SMOC1: variants seen among roughly 807,000 people sequenced by gnomAD.
SMOC1 encodes SPARC related modular calcium binding 1.
Under a neutral mutation model 56.3 loss-of-function variants are expected in SMOC1, and 22 were observed. The ratio of observed to expected loss-of-function variants is 0.39; its 90% confidence interval spans 0.28 to 0.56. The LOEUF (loss-of-function observed/expected upper bound fraction) is 0.56. Among genes scored for constraint, SMOC1 ranks in the 20% least tolerant of loss-of-function variants. The pLI, the probability that SMOC1 is intolerant of heterozygous loss-of-function variation, is 0.61. For missense variants in SMOC1, 509 were observed against 565.4 expected, an observed-to-expected ratio of 0.90 and a Z score of 1.01; for synonymous variants, 193 against 215.0, an observed-to-expected ratio of 0.90 and a Z score of 0.89.
chr14:69,969,672 A>G (rs1883692036), intron 3 of SMOC1, among the ~76,000 whole-genome samples: 1 of 152,238 alleles, frequency 6.6e-6, no homozygotes, highest in African/African-American at 2.4e-5. Context: ...AAACTGTATC[A>G]GTCCCCTAGT....
intron 1 of SMOC1, among the ~76,000 whole-genome samples, chr14:69,934,821 G>A (rs958819217): frequency 1.3e-5 from 2 of 152,192 alleles, no homozygotes; most frequent in Non-Finnish European, 2.9e-5. Context: ...TGGAGCCATA[G>A]GTCTGGGTTT....
chr14:69,928,360 C>T (rs116887075), intron 1 of SMOC1, among the ~76,000 whole-genome samples: 10 of 152,270 alleles, frequency 6.6e-5, no homozygotes, highest in Non-Finnish European at 1.2e-4. Context: ...TGGCAAATTG[C>T]GACTTTTTCA....
In SMOC1 at chr14:69,924,744, AGTAGGGGAGGTAAGGGAGGTAGGGGAG is replaced by A. The variant is rs775416206; in HGVS notation, c.100-27357_100-27331del. Reference sequence around the variant, plus strand: ...GTAGGGGAGGAGGAGAGGTAGGGGAAGTAGGGGAGGTAAGGGAGGTAGGGGAGGTAGGGGAGGTAAGGGAGGTAGGGG... The same window carrying A: ...GTAGGGGAGGAGGAGAGGTAGGGGAAGTAGGGGAGGTAAGGGAGGTAGGGG... On this transcript the variant is annotated intron_variant, in intron 1 of 11. Coordinates refer to ENST00000361956, the MANE Select transcript of SMOC1 (RefSeq NM_001034852.3). Among the ~76,000 whole-genome samples, 23 of 31,892 alleles carry A rather than the reference AGTAGGGGAGGTAAGGGAGGTAGGGGAG, an allele frequency of 7.2e-4. 5 individuals are homozygous for A. The highest frequency in any genetic ancestry group is 1.4e-3 in the African/African-American group (8 of 5,878). The allele number at this position is 31,892 out of a possible 152,430, so 20.9% of individuals were successfully genotyped here. A position where few individuals can be genotyped will look rare whatever the true frequency, so the allele number is the denominator to read the frequency against.
intron 5 of SMOC1, among the ~76,000 whole-genome samples, chr14:69,985,008 T>C (rs965333675): frequency 6.6e-6 from 1 of 151,262 alleles, no homozygotes; most frequent in Admixed American, 6.6e-5. Flanking sequence ...CACTCCAGCC[T>C]TGGTGATGGA....
intron 7 of SMOC1, among the ~76,000 whole-genome samples, chr14:70,009,734 C>T (rs148808173): frequency 0.012 from 1,879 of 152,246 alleles, 39 homozygotes; most frequent in African/African-American, 0.04. Context: ...GATGTGTGCA[C>T]GTGTATTTCC....
chr14:69,909,517 A>T (rs1039772642), intron 1 of SMOC1, among the ~76,000 whole-genome samples: 7 of 152,188 alleles, frequency 4.6e-5, no homozygotes, highest in African/African-American at 1.7e-4. Flanking sequence ...CATGGCCAGG[A>T]AACAGCTTTA....
intron 1 of SMOC1, among the ~76,000 whole-genome samples, chr14:69,883,045 C>T (rs1883687334): frequency 6.6e-6 from 1 of 152,024 alleles, no homozygotes; most frequent in Non-Finnish European, 1.5e-5. Flanking sequence ...TTATTGTGCA[C>T]AATATGATGT....
intron 1 of SMOC1, among the ~76,000 whole-genome samples, chr14:69,926,328 T>C (rs1276114): frequency 0.26 from 40,240 of 152,058 alleles, 5,817 homozygotes; most frequent in East Asian, 0.54. Flanking sequence ...ACCAGCTGGA[T>C]TGGATTTTTG....
At chr14:69,907,447 T>G (rs1470216721) in intron 1 of SMOC1, among the ~76,000 whole-genome samples, 1 of 152,188 alleles carries the variant, frequency 6.6e-6, no homozygotes, top group Non-Finnish European at 1.5e-5. Flanking sequence ...CCTTTCTGAG[T>G]CTTCTACCCA....
At chr14:70,009,892 A>T (rs1241215957) in intron 7 of SMOC1, among the ~76,000 whole-genome samples, 1 of 151,624 alleles carries the variant, frequency 6.6e-6, no homozygotes, top group Non-Finnish European at 1.5e-5. Flanking sequence ...ACAAAACCAG[A>T]AAAAAAAAGA....
At chr14:69,943,556 T>C (rs568100997) in intron 1 of SMOC1, among the ~76,000 whole-genome samples, 5 of 152,294 alleles carry the variant, frequency 3.3e-5, no homozygotes, top group African/African-American at 1.2e-4. Context: ...TTGCAGATGG[T>C]GAAGGACGTG....
intron 2 of SMOC1, 127 bp downstream of exon 2, chr14:69,952,430 C>T (rs1165297899): frequency 1.8e-6 from 2 of 1,113,730 alleles, no homozygotes; most frequent in Non-Finnish European, 2.6e-6. Context: ...ATCTCTCCAC[C>T]CCTTCCACCA....
chr14:70,007,444 A>G (rs1355370158), intron 7 of SMOC1, among the ~76,000 whole-genome samples: 1 of 152,240 alleles, frequency 6.6e-6, no homozygotes, highest in African/African-American at 2.4e-5. Context: ...ATCCAGGTAC[A>G]AGATTTGTAG....
At chr14:69,912,498 C>G (rs61980627) in intron 1 of SMOC1, among the ~76,000 whole-genome samples, 13,806 of 152,260 alleles carry the variant, frequency 0.091, 653 homozygotes, top group African/African-American at 0.11. Flanking sequence ...GCAGTCCTCC[C>G]GTGTTCAGCC....
At chr14:69,970,903 T>C (rs1260456518) in intron 3 of SMOC1, among the ~76,000 whole-genome samples, 1 of 152,240 alleles carries the variant, frequency 6.6e-6, no homozygotes, top group African/African-American at 2.4e-5. Context: ...GCCTGAAATA[T>C]ACCACTAGGC....
chr14:69,922,610 G>T (rs747829844), intron 1 of SMOC1, among the ~76,000 whole-genome samples: 1 of 152,186 alleles, frequency 6.6e-6, no homozygotes, highest in African/African-American at 2.4e-5. Context: ...TAGACATGCA[G>T]CACCCTGGGC....
intron 5 of SMOC1, among the ~76,000 whole-genome samples, chr14:69,983,391 A>G (rs919528021): frequency 1.3e-5 from 2 of 152,214 alleles, no homozygotes; most frequent in Non-Finnish European, 2.9e-5. Context: ...AGGGATGAGT[A>G]TAACAGTACG....
chr14:69,890,463 G>C (rs1005057026), intron 1 of SMOC1, among the ~76,000 whole-genome samples: 2 of 152,170 alleles, frequency 1.3e-5, no homozygotes, highest in Admixed American at 6.5e-5. Flanking sequence ...ATTTCCAAGA[G>C]ATGCATTTTG....
chr14:70,017,800 A>G (rs1885572087), intron 10 of SMOC1, among the ~76,000 whole-genome samples: 2 of 152,150 alleles, frequency 1.3e-5, no homozygotes, highest in African/African-American at 4.8e-5. Context: ...TGCAGTATAA[A>G]GTCGGTAGGA....
Sources: allele counts gnomAD v4.1 joint callset (sites outside exome capture counted in the v4.1 genomes callset), GRCh38; gene constraint gnomAD v4.1.1; transcripts MANE v1.5; gene names NCBI Gene and HGNC (gene_info 2026-07-23, HGNC 2026-07-21).